VSIG8: variants seen among roughly 807,000 people sequenced by gnomAD.
The protein encoded by VSIG8 is V-set and immunoglobulin domain containing 8, also known as V-set and immunoglobulin domain-containing protein 8.
Under a neutral mutation model 42.6 loss-of-function variants are expected in VSIG8, and 32 were observed. The ratio of observed to expected loss-of-function variants is 0.75; its 90% CI spans 0.57 to 1.01. The LOEUF (loss-of-function observed/expected upper bound fraction) is 1.01. VSIG8 is among the 50% of genes least tolerant of loss of function. VSIG8 has a pLI of 0.00. For missense variants in VSIG8, 529 were observed against 558.0 expected, an observed-to-expected ratio of 0.95 and a Z score of 0.52; for synonymous variants, 290 against 243.8, an observed-to-expected ratio of 1.19 and a Z score of -1.77.
In VSIG8 at chr1:159,856,518, A is replaced by G. The variant is rs1456224569; in HGVS notation, c.772+6T>C. 1.2e-6 allele frequency: 2 copies of G among 1,613,884 alleles called. No homozygotes were observed. Among genetic ancestry groups the G allele is most frequent in the Non-Finnish European group, 1.7e-6 (2 of 1,179,876 alleles). On this transcript the variant is annotated splice_donor_region_variant and intron_variant, in intron 5 of 6. Transcript: ENST00000368100. ...ACCACCCAGCCCTCAAGACTGCTGC[A>G]CCTACCTGAGACCTTCACCTCCACC... is the stretch of plus-strand genomic sequence containing the variant.
chr1:159,858,201 A>G lies in VSIG8; in HGVS notation c.319T>C (p.Tyr107His). ...VRFAASDPSQ[Y>H]DASINLMNLQ... ...TTCATGAGGTTGATGGAGGCATCGTACTGGCTTGGGTCTGAGGCTGCAAAG... is the reference window on the plus strand; with the variant it reads ...TTCATGAGGTTGATGGAGGCATCGTGCTGGCTTGGGTCTGAGGCTGCAAAG... Residue 107 changes from tyrosine (Y) to histidine (H), a missense_variant, in exon 3 of 7, where the codon TAC becomes CAC. Transcript: ENST00000368100. 6.2e-7 allele frequency: 1 copy of G among 1,614,232 alleles called. No individual in the cohort carries two copies. The highest frequency in any genetic ancestry group is 8.5e-7 in the Non-Finnish European group (1 of 1,180,038).
chr1:159,855,299 C>T (rs1175625057), intron 6 of VSIG8: 2 of 1,533,634 alleles, frequency 1.3e-6, no homozygotes, highest in African/African-American at 2.8e-5. Context: ...CCTCCAGGCC[C>T]CTGCAATCCC....
chr1:159,855,788 T>TG lies in VSIG8; in HGVS notation c.971+94dup. 5.3e-6 allele frequency: 7 copies of TG among 1,329,604 alleles called. No individual in the cohort carries two copies. The South Asian group carries it at 6.3e-5, about 12-fold the overall frequency. The allele number at this position is 1,329,604 out of a possible 1,614,324, so 82.4% of individuals were successfully genotyped here. ...GTGGCGATGGCGGGCAGGGTTGGGG[T>TG]GGGGGGCCCAGCCGGCCGGTGGCAG... is the stretch of plus-strand genomic sequence containing the variant. On this transcript the variant is annotated intron_variant, in intron 6 of 6. Coordinates refer to ENST00000368100, the MANE Select transcript of VSIG8 (RefSeq NM_001013661.1).
rs1246548345 is a variant in VSIG8, at chr1:159,855,046, G to A, written c.972-20C>T. On this transcript the variant is annotated intron_variant, in intron 6 of 6. Transcript: ENST00000368100. ...TCCTCTCTGTGGAAAACAACAGGCG[G>A]GCGGGTGAGCGGGCTGCTCCGCAGC... The A allele has an allele frequency of 1.9e-6, 3 of 1,573,016 alleles. No homozygotes were observed. The highest frequency in any genetic ancestry group is 2.6e-6 in the Non-Finnish European group (3 of 1,159,970).
chr1:159,858,808 C>A lies in VSIG8; in HGVS notation c.154G>T (p.Asp52Tyr). Residue 52 changes from aspartate (D) to tyrosine (Y), a missense_variant, in exon 2 of 7, where the codon GAC (aspartate) becomes TAC (tyrosine). By Grantham distance (160) the Asp-to-Tyr change is radical (BLOSUM62 -3). Coordinates refer to ENST00000368100, the MANE Select transcript of VSIG8 (RefSeq NM_001013661.1). ...ATGTCCAGCCCATTGGGACCATAGT[C>A]CTCAGGGTCCAGGACGTAGGGGCAG... The part of the protein sequence containing the change: ...LGCPYVLDPE[D>Y]YGPNGLDIEW... 6.2e-7 allele frequency: 1 copy of A among 1,614,030 alleles called. No homozygotes were observed. The highest frequency in any genetic ancestry group is 8.5e-7 in the Non-Finnish European group (1 of 1,180,006).
At position 159,855,032 on chromosome 1, in the gene VSIG8, GA is replaced by G. The variant is rs1361684589; in HGVS notation, c.972-7del. On this transcript the variant is annotated splice_region_variant and splice_polypyrimidine_tract_variant and intron_variant, in intron 6 of 6. Coordinates refer to ENST00000368100, the MANE Select transcript of VSIG8 (RefSeq NM_001013661.1). The stretch of plus-strand genomic sequence containing the variant: ...CGGGCGCCACGGCGTCCTCTCTGTG[GA>G]AAACAACAGGCGGGCGGGTGAGCGG... The G allele has an allele frequency of 1.3e-6, 2 of 1,576,330 alleles. No individual in the cohort carries two copies. Among genetic ancestry groups the G allele is most frequent in the Non-Finnish European group, 1.7e-6 (2 of 1,162,472 alleles).
At position 159,854,342 on chromosome 1, in the gene VSIG8, C is replaced by T; in HGVS notation, c.*411G>A. 5.6e-6 allele frequency: 1 copy of T among 177,242 alleles called. No homozygotes were observed. 11.0% of individuals were successfully genotyped at this position (177,242 alleles called of 1,614,324 possible). A position where few individuals can be genotyped will look rare whatever the true frequency, so the allele number is the denominator to read the frequency against. ...CACGTCTCAATGTTTCTTTATTGTG[C>T]TAACACTGCTGCCTCAGAGCTCAGA... is the stretch of plus-strand genomic sequence containing the variant. On this transcript the variant is annotated 3_prime_UTR_variant, in exon 7 of 7. Coordinates refer to ENST00000368100, the MANE Select transcript of VSIG8 (RefSeq NM_001013661.1).
Position 159,858,183 on chromosome 1 carries a change from G to T in VSIG8, c.337C>A (p.Leu113Ile). The change falls in exon 3 of 7, where the codon CTC becomes ATC. Residue 113 changes from leucine (L) to isoleucine (I), a missense_variant. By Grantham distance (5) the Leu-to-Ile change is conservative. Transcript: ENST00000368100. The stretch of plus-strand genomic sequence containing the variant: ...GTATCAGATACCTGCAGGTTCATGA[G>T]GTTGATGGAGGCATCGTACTGGCTT... ...DPSQYDASINLMNLQVSDTAT... is the reference protein window; with the variant it reads ...DPSQYDASINIMNLQVSDTAT... 6.2e-7 allele frequency: 1 copy of T among 1,614,258 alleles called. No homozygotes were observed. Among genetic ancestry groups the T allele is most frequent in the Non-Finnish European group, 8.5e-7 (1 of 1,180,040 alleles).
chr1:159,858,604 C>T lies in VSIG8; in HGVS notation c.228+130G>A, dbSNP rs959858561. On this transcript the variant is annotated intron_variant, in intron 2 of 6. Coordinates refer to ENST00000368100, the MANE Select transcript of VSIG8 (RefSeq NM_001013661.1). ...AATTCACAATTGCAGAGCTCTCATC[C>T]CCATTGCCTCATTCCCTGAAAGGCC... The T allele has an allele frequency of 5.9e-6, 6 of 1,020,358 alleles. No individual in the cohort carries two copies. In the African/African-American group the frequency reaches 8.1e-5, roughly 14 times the overall value. 63.2% of individuals were successfully genotyped at this position (1,020,358 alleles called of 1,614,324 possible).
chr1:159,854,687 C>T lies in VSIG8; in HGVS notation c.*66G>A. 1 of 1,394,512 alleles carries T rather than the reference C, an allele frequency of 7.2e-7. No individual in the cohort carries two copies. Among genetic ancestry groups the T allele is most frequent in the South Asian group, 1.6e-5 (1 of 63,230 alleles). The allele number at this position is 1,394,512 out of a possible 1,614,324, so 86.4% of individuals were successfully genotyped here. A position where few individuals can be genotyped will look rare whatever the true frequency, so the allele number is the denominator to read the frequency against. ...GTCGTCCCCAGCCCCGACGTGTCCC[C>T]AGCTGCAGACAGAGAGCCCCGCGCC... On this transcript the variant is annotated 3_prime_UTR_variant, in exon 7 of 7. Coordinates refer to ENST00000368100, the MANE Select transcript of VSIG8 (RefSeq NM_001013661.1).
At chr1:159,857,034 T>C (rs1380403641) in intron 4 of VSIG8, among the ~76,000 whole-genome samples, 1 of 152,214 alleles carries the variant, frequency 6.6e-6, no homozygotes, top group Non-Finnish European at 1.5e-5. Context: ...CTTCTCTATG[T>C]ACTAGGAGCT....
At chr1:159,856,124 G>C in intron 5 of VSIG8, 43 bp from the exon 6 acceptor site, 2 of 1,580,026 alleles carry the variant, frequency 1.3e-6, no homozygotes, top group South Asian at 2.3e-5. Flanking sequence ...CTCACAGCCT[G>C]GCAGGTGCCT....
intron 6 of VSIG8, chr1:159,855,296 G>A (rs1454851999): frequency 1.9e-6 from 3 of 1,541,074 alleles, no homozygotes; most frequent in South Asian, 1.2e-5. Context: ...CCCCCTCCAG[G>A]CCCCTGCAAT....
chr1:159,856,188 G>C lies in VSIG8; in HGVS notation c.773-107C>G, dbSNP rs1364880702. The stretch of plus-strand genomic sequence containing the variant: ...CAGGGGTTAATGGGAAAGAGGGAGA[G>C]GGACCCAGGGGGTCTCTTAGCCCTG... On this transcript the variant is annotated intron_variant, in intron 5 of 6. Transcript: ENST00000368100. The C allele has an allele frequency of 5.8e-5, 65 of 1,122,924 alleles. No individual in the cohort carries two copies. In the South Asian group the frequency reaches 6.3e-4, roughly 11 times the overall value. 69.6% of individuals were successfully genotyped at this position (1,122,924 alleles called of 1,614,324 possible). A position where few individuals can be genotyped will look rare whatever the true frequency, so the allele number is the denominator to read the frequency against.
At chr1:159,858,970 G>C in intron 1 of VSIG8, 58 bp from the exon 2 acceptor site, 1 of 1,552,774 alleles carries the variant, frequency 6.4e-7, no homozygotes, top group Non-Finnish European at 8.7e-7. Flanking sequence ...TTCAGGAGGA[G>C]TCAGTGTCAG....
rs1052722653 is a variant in VSIG8 at position 159,854,475 on chromosome 1, A to T, written c.*278T>A. On this transcript the variant is annotated 3_prime_UTR_variant, in exon 7 of 7. Coordinates refer to ENST00000368100, the MANE Select transcript of VSIG8 (RefSeq NM_001013661.1). ...CCTCCGGCCTCAGCCGCTCTAGGAC[A>T]CTCAGCCTCCTCCTCCCTCCCTCTC... 8 of 485,672 alleles carry T rather than the reference A, an allele frequency of 1.6e-5. No homozygotes were observed. Among genetic ancestry groups the T allele is most frequent in the Admixed American group, 1.5e-4 (3 of 19,870 alleles). 30.1% of individuals were successfully genotyped at this position (485,672 alleles called of 1,614,324 possible).
At chr1:159,857,610 G>T (rs1648880621) in intron 4 of VSIG8, 135 bp downstream of exon 4, 1 of 674,680 alleles carries the variant, frequency 1.5e-6, no homozygotes, top group African/African-American at 1.8e-5. Flanking sequence ...TGCTGGGGCA[G>T]GCCCAGAGGG....
rs1387525285 is a variant in VSIG8, at chr1:159,856,055, C to G, written c.799G>C (p.Gly267Arg). The G allele has an allele frequency of 1.2e-6, 2 of 1,612,254 alleles. No individual in the cohort carries two copies. Among genetic ancestry groups the G allele is most frequent in the Admixed American group, 1.7e-5 (1 of 59,922 alleles). ...GCGAGCAGAGAGCCCAGGACGATGCCGATGATCACGCCTATACGCCGGGAG... is the reference window on the plus strand; with the variant it reads ...GCGAGCAGAGAGCCCAGGACGATGCGGATGATCACGCCTATACGCCGGGAG... Reference protein sequence around the residue: ...SDSRRIGVIIGIVLGSLLALG... With the variant: ...SDSRRIGVIIRIVLGSLLALG... The change falls in exon 6 of 7, where the codon GGC becomes CGC. Residue 267 changes from glycine to arginine, a missense_variant. By Grantham distance (125) the Gly-to-Arg change is moderately radical (BLOSUM62 -2). Transcript: ENST00000368100.
At position 159,858,800 on chromosome 1, in the gene VSIG8, A is replaced by G. The variant is rs780205386; in HGVS notation, c.162T>C (p.Gly54=). ...CPYVLDPEDY[G]PNGLDIEWMQ... ...TCCACTCGATGTCCAGCCCATTGGG[A>G]CCATAGTCCTCAGGGTCCAGGACGT... is the stretch of plus-strand genomic sequence containing the variant. The change falls in exon 2 of 7, where the codon GGT becomes GGC. Residue 54 remains glycine, a synonymous_variant. Coordinates refer to ENST00000368100, the MANE Select transcript of VSIG8 (RefSeq NM_001013661.1). 4.3e-6 allele frequency: 7 copies of G among 1,613,786 alleles called. No individual in the cohort carries two copies. Among genetic ancestry groups the G allele is most frequent in the Non-Finnish European group, 5.9e-6 (7 of 1,179,954 alleles).
Sources: gnomAD v4.1 joint callset for allele counts (sites outside exome capture counted in the v4.1 genomes callset) on GRCh38, gnomAD v4.1.1 for gene constraint, MANE v1.5 for transcripts, NCBI Gene and HGNC (gene_info 2026-07-23, HGNC 2026-07-21) for gene names.